The following FRMD6 variants were observed in gnomAD, a reference collection of about 807,000 sequenced individuals.
The protein encoded by FRMD6 is FERM domain-containing protein 6.
FRMD6 carries 37 observed loss-of-function variants against 73.2 expected under a neutral mutation model. The ratio of observed to expected loss-of-function variants is 0.51; its 90% CI spans 0.39 to 0.66. The LOEUF (loss-of-function observed/expected upper bound fraction) is 0.66, where lower values mean the gene tolerates loss of function less well. FRMD6 is among the 30% of genes least tolerant of loss of function. The probability of loss-of-function intolerance (pLI) is 0.00; values close to 1 mark genes in which losing one functional copy is unlikely to be tolerated. For synonymous variants in FRMD6, 273 were observed against 282.2 expected, an observed-to-expected ratio of 0.97 and a Z score of 0.33; for missense variants, 714 against 780.5, an observed-to-expected ratio of 0.91 and a Z score of 1.02.
chr14:51,397,968 A>C, the FRMD6 span, among the ~76,000 whole-genome samples: 8 of 152,202 alleles, frequency 5.3e-5, no homozygotes, highest in Non-Finnish European at 1.0e-4. Context: ...TCTGGTCCCA[A>C]GCATTTCAGA....
intron 5 of FRMD6, among the ~76,000 whole-genome samples, chr14:51,703,900 A>G (rs1339132809): frequency 6.6e-6 from 1 of 152,114 alleles, no homozygotes; most frequent in African/African-American, 2.4e-5. Context: ...AAATATGTAC[A>G]CACACATTTT....
At chr14:51,500,247 G>T (rs1444990622) in intron 1 of FRMD6, among the ~76,000 whole-genome samples, 1 of 152,142 alleles carries the variant, frequency 6.6e-6, no homozygotes, top group African/African-American at 2.4e-5. Context: ...TGTGTATGTA[G>T]GCCGGGCGTG....
upstream of FRMD6, among the ~76,000 whole-genome samples, chr14:51,484,481 G>A (rs75857985): frequency 0.057 from 8,548 of 150,534 alleles, 498 homozygotes; most frequent in Admixed American, 0.18. Context: ...GCAACATAAC[G>A]AACAAGAAAA....
Position 51,557,114 on chromosome 14 carries a change from T to TGG in FRMD6, c.-209-13233_-209-13232insGG, listed in dbSNP as rs534739167. On this transcript the variant is annotated intron_variant, in intron 1 of 14. Coordinates refer to the FRMD6 transcript ENST00000356218. ...TAGCCTGGGCAACATAGTGAGACCC[T>TGG]GTCTGAAAAGAGGAAAAGAAGAAGG... Among the ~76,000 whole-genome samples, 295 of 151,970 alleles carry TGG rather than the reference T, an allele frequency of 1.9e-3. 1 individual carries two copies. Among genetic ancestry groups the TGG allele is most frequent in the Non-Finnish European group, 3.2e-3 (220 of 67,960 alleles).
At chr14:51,722,541 A>C (rs1897687503) in intron 12 of FRMD6, among the ~76,000 whole-genome samples, 1 of 152,142 alleles carries the variant, frequency 6.6e-6, no homozygotes, top group Admixed American at 6.5e-5. Flanking sequence ...ATACTGGTAG[A>C]GGAGTCTGGG....
the FRMD6 span, among the ~76,000 whole-genome samples, chr14:51,482,541 C>A: frequency 1.3e-5 from 2 of 152,048 alleles, no homozygotes; most frequent in Non-Finnish European, 2.9e-5. Flanking sequence ...AGAGAATCAC[C>A]GGGAATAGTG....
the FRMD6 span, among the ~76,000 whole-genome samples, chr14:51,442,087 G>A: frequency 9.4e-4 from 143 of 152,204 alleles, no homozygotes; most frequent in African/African-American, 3.2e-3. Flanking sequence ...TGTAAGGACC[G>A]TTTTTATCTA....
At chr14:51,425,595 TCAGGGTCTTTTCCACA>T in the FRMD6 span, among the ~76,000 whole-genome samples, 1 of 152,200 alleles carries the variant, frequency 6.6e-6, no homozygotes, top group African/African-American at 2.4e-5. Flanking sequence ...TGTTCAGGTC[TCAGGGTCTTTTCCACA>T]CAGCCTCTTC....
At chr14:51,483,461 G>A in the FRMD6 span, among the ~76,000 whole-genome samples, 1 of 152,220 alleles carries the variant, frequency 6.6e-6, no homozygotes, top group African/African-American at 2.4e-5. Context: ...ACAGAAGCAG[G>A]CATGAGAAGC....
chr14:51,719,499 GAGCTA>G (rs936126570), intron 10 of FRMD6, among the ~76,000 whole-genome samples: 2 of 152,218 alleles, frequency 1.3e-5, no homozygotes, highest in Non-Finnish European at 2.9e-5. Flanking sequence ...TCAGCAGCTA[GAGCTA>G]AGCTAACAGT....
At chr14:51,471,895 C>A in the FRMD6 span, among the ~76,000 whole-genome samples, 1 of 152,006 alleles carries the variant, frequency 6.6e-6, no homozygotes, top group Non-Finnish European at 1.5e-5. Context: ...CATTTTATGC[C>A]CTTATAAAGG....
At position 51,602,597 on chromosome 14, in the gene FRMD6, C is replaced by T. The variant is rs577611011; in HGVS notation, c.-147+32187C>T. 3.3e-3 allele frequency among the ~76,000 whole-genome samples: 501 copies of T among 152,242 alleles called. 2 individuals are homozygous for T. The highest frequency in any genetic ancestry group is 0.01 in the Middle Eastern group (3 of 294). The stretch of plus-strand genomic sequence containing the variant: ...TTCATTTATGGATTGTCTATGGCTG[C>T]TTTTGTGCTATGATGGCATGGCTGA... On this transcript the variant is annotated intron_variant, in intron 2 of 14. Transcript: ENST00000356218.
chr14:51,556,787 G>C (rs1002342495), intron 1 of FRMD6, among the ~76,000 whole-genome samples: 2 of 152,010 alleles, frequency 1.3e-5, no homozygotes, highest in Admixed American at 6.6e-5. Flanking sequence ...GTTCTTTCCC[G>C]AGCTGCCCCT....
the FRMD6 span, among the ~76,000 whole-genome samples, chr14:51,453,902 A>C: frequency 6.6e-6 from 1 of 152,176 alleles, no homozygotes; most frequent in East Asian, 1.9e-4. Context: ...TTGTATACTC[A>C]GTTAGGTTGA....
At chr14:51,399,022 C>T in the FRMD6 span, among the ~76,000 whole-genome samples, 1 of 152,198 alleles carries the variant, frequency 6.6e-6, no homozygotes, top group Non-Finnish European at 1.5e-5. Context: ...CTGTCCCCAC[C>T]CCACATCGGC....
chr14:51,400,754 G>A, the FRMD6 span, among the ~76,000 whole-genome samples: 1 of 152,294 alleles, frequency 6.6e-6, no homozygotes, highest in South Asian at 2.1e-4. Context: ...ACAGCCTACA[G>A]GCTGTGAGCA....
chr14:51,688,413 A>G (rs1303423924), intron 1 of FRMD6, among the ~76,000 whole-genome samples: 2 of 152,192 alleles, frequency 1.3e-5, no homozygotes, highest in Non-Finnish European at 2.9e-5. Context: ...GAAGAATACT[A>G]GATTATATTT....
the FRMD6 span, among the ~76,000 whole-genome samples, chr14:51,415,454 T>C: frequency 6.6e-6 from 1 of 152,220 alleles, no homozygotes; most frequent in African/African-American, 2.4e-5. Context: ...ATGGATTATG[T>C]TTATTGATTT....
the FRMD6 span, among the ~76,000 whole-genome samples, chr14:51,462,315 G>A: frequency 6.6e-6 from 1 of 152,206 alleles, no homozygotes; most frequent in Admixed American, 6.5e-5. Flanking sequence ...CCTGCCTCGG[G>A]GGGTTGTGAA....
Sources: allele counts gnomAD v4.1 joint callset (sites outside exome capture counted in the v4.1 genomes callset), GRCh38; gene constraint gnomAD v4.1.1; transcripts MANE v1.5; gene names NCBI Gene and HGNC (gene_info 2026-07-23, HGNC 2026-07-21).